Variants in MTHFD1L observed in about 807,000 individuals in gnomAD.
MTHFD1L encodes the protein monofunctional C1-tetrahydrofolate synthase, mitochondrial.
In MTHFD1L, 81 loss-of-function variants were observed where a neutral mutation model predicts 119.5. The ratio of observed to expected loss-of-function variants is 0.68; its 90% CI spans 0.57 to 0.82. The LOEUF (loss-of-function observed/expected upper bound fraction) is 0.82, where lower values mean the gene tolerates loss of function less well. Among genes scored for constraint, MTHFD1L ranks in the 40% least tolerant of loss-of-function variants. MTHFD1L has a pLI of 0.00. For synonymous variants in MTHFD1L, 430 were observed against 475.2 expected (o/e 0.90, Z 1.24); for missense variants, 1,125 against 1,253.4 (o/e 0.90, Z 1.55).
intron 13 of MTHFD1L, among the ~76,000 whole-genome samples, chr6:150,939,681 C>CTTT (rs1175796074): frequency 1.1e-5 from 1 of 94,092 alleles, no homozygotes; most frequent in Non-Finnish European, 2.1e-5. Flanking sequence ...TCCTTGCAGA[C>CTTT]TCTTTTTTTT....
At chr6:150,998,995 A>AAAAAAAAAACTGTATATAT (rs986639098) in intron 20 of MTHFD1L, among the ~76,000 whole-genome samples, 1 of 143,586 alleles carries the variant, frequency 7.0e-6, no homozygotes, top group Non-Finnish European at 1.5e-5. Context: ...GTCTTAAAAA[A>AAAAAAAAAACTGTATATAT]ATATATATAC....
At chr6:150,888,965 A>G (rs1440859035) in intron 7 of MTHFD1L, among the ~76,000 whole-genome samples, 1 of 152,130 alleles carries the variant, frequency 6.6e-6, no homozygotes, top group Non-Finnish European at 1.5e-5. Context: ...ACTTGAGCTC[A>G]GGAGTTTCAG....
At chr6:150,871,938 C>T (rs768864807) in intron 1 of MTHFD1L, among the ~76,000 whole-genome samples, 9 of 150,796 alleles carry the variant, frequency 6.0e-5, no homozygotes, top group African/African-American at 1.7e-4. Flanking sequence ...AGTGCAGTGG[C>T]GCGATCTCTG....
chr6:151,047,037 T>C (rs1341139375), intron 26 of MTHFD1L, among the ~76,000 whole-genome samples: 1 of 152,200 alleles, frequency 6.6e-6, no homozygotes, highest in Admixed American at 6.5e-5. Context: ...ACTATGTATG[T>C]GTTCCTTAAA....
intron 9 of MTHFD1L, among the ~76,000 whole-genome samples, chr6:150,919,935 G>A (rs1260840715): frequency 6.6e-6 from 1 of 152,200 alleles, no homozygotes; most frequent in Non-Finnish European, 1.5e-5. Flanking sequence ...GCAGTCATCT[G>A]AGGCATTAAC....
intron 26 of MTHFD1L, among the ~76,000 whole-genome samples, chr6:151,071,837 ATTTTTTTTTT>A (rs753092094): frequency 9.3e-6 from 1 of 107,508 alleles, no homozygotes; most frequent in Non-Finnish European, 1.7e-5. Flanking sequence ...GTAAGTACAG[ATTTTTTTTTT>A]TTTTTTTTTT....
intron 26 of MTHFD1L, among the ~76,000 whole-genome samples, chr6:151,076,152 C>T (rs181168127): frequency 1.6e-4 from 24 of 152,286 alleles, no homozygotes; most frequent in African/African-American, 5.8e-4. Flanking sequence ...AGGAGGATGG[C>T]TTGAGCCCAG....
At chr6:150,962,150 C>T (rs543480834) in intron 18 of MTHFD1L, among the ~76,000 whole-genome samples, 59 of 152,092 alleles carry the variant, frequency 3.9e-4, no homozygotes, top group South Asian at 6.2e-4. Flanking sequence ...CTGCCACACC[C>T]GGCTAATTTT....
intron 22 of MTHFD1L, among the ~76,000 whole-genome samples, 168 bp downstream of exon 22, chr6:151,013,988 G>A (rs560673241): frequency 3.9e-5 from 6 of 152,216 alleles, no homozygotes; most frequent in Admixed American, 6.5e-5. Flanking sequence ...CAAGGCGACC[G>A]GATCACATGA....
chr6:150,926,330 G>C lies in MTHFD1L; in HGVS notation c.1256+35G>C. The C allele has an allele frequency of 1.9e-6, 3 of 1,575,694 alleles. No individual in the cohort carries two copies. Among genetic ancestry groups the C allele is most frequent in the Non-Finnish European group, 2.6e-6 (3 of 1,151,996 alleles). On this transcript the variant is annotated intron_variant, in intron 11 of 27. Coordinates refer to ENST00000367321, the MANE Select transcript of MTHFD1L (RefSeq NM_015440.5). The surrounding 1 kb of genome is among the most constrained non-coding windows in gnomAD (Gnocchi z 4.3). ...CATCTAACATCTACTTGATCAAGCA[G>C]ACATATTTACAAAACTCTTCCCTAT...
At chr6:150,889,176 C>A (rs368022636) in intron 7 of MTHFD1L, among the ~76,000 whole-genome samples, 209 of 146,228 alleles carry the variant, frequency 1.4e-3, no homozygotes, top group African/African-American at 1.8e-3. Context: ...GACTCCGTCT[C>A]AAAAAAAAAA....
chr6:150,885,824 A>AT (rs1782150293), intron 6 of MTHFD1L, 90 bp downstream of exon 6: 17 of 965,900 alleles, frequency 1.8e-5, no homozygotes, highest in Non-Finnish European at 2.6e-5. Context: ...AGAATTAAAA[A>AT]TTTTTTTAAA....
At chr6:151,003,222 C>CA (rs1271367943) in intron 20 of MTHFD1L, among the ~76,000 whole-genome samples, 2 of 152,186 alleles carry the variant, frequency 1.3e-5, no homozygotes, top group African/African-American at 4.8e-5. Context: ...ACAACAACAA[C>CA]AAAAAACACA....
At chr6:151,066,995 A>ATTTT (rs36035374) in intron 26 of MTHFD1L, among the ~76,000 whole-genome samples, 4,951 of 138,470 alleles carry the variant, frequency 0.036, 122 homozygotes, top group Admixed American at 0.094. Context: ...TATCAATTTG[A>ATTTT]TTTTTTTTTT....
intron 20 of MTHFD1L, among the ~76,000 whole-genome samples, chr6:150,977,956 A>G (rs1039092777): frequency 6.8e-6 from 1 of 146,754 alleles, no homozygotes. Flanking sequence ...GCTGGAGTGC[A>G]GTGGCGTGAC....
chr6:150,900,959 G>A (rs1173501357), intron 7 of MTHFD1L, among the ~76,000 whole-genome samples: 1 of 151,802 alleles, frequency 6.6e-6, no homozygotes, highest in Non-Finnish European at 1.5e-5. Flanking sequence ...AGCTTGCAGT[G>A]AGCCGGGATC....
chr6:150,995,715 G>A (rs373124812), intron 20 of MTHFD1L, among the ~76,000 whole-genome samples: 13 of 151,982 alleles, frequency 8.6e-5, no homozygotes, highest in African/African-American at 3.1e-4. Flanking sequence ...TGCCCAGGCT[G>A]GAGTGCAGTG....
At chr6:150,960,074 TG>T (rs1042561235) in intron 17 of MTHFD1L, among the ~76,000 whole-genome samples, 200 bp from the exon 18 acceptor site, 3 of 152,204 alleles carry the variant, frequency 2.0e-5, no homozygotes, top group African/African-American at 7.2e-5. Flanking sequence ...ACATTCCGCC[TG>T]GGAGGCCACC....
intron 7 of MTHFD1L, among the ~76,000 whole-genome samples, chr6:150,905,396 A>G (rs530064367): frequency 6.6e-6 from 1 of 152,118 alleles, no homozygotes; most frequent in South Asian, 2.1e-4. Context: ...TACTCCATGC[A>G]GTATGTATGC....
Sources: gnomAD v4.1 joint callset for allele counts (sites outside exome capture counted in the v4.1 genomes callset) on GRCh38, gnomAD v4.1.1 for gene constraint, Gnocchi (gnomAD v3.1) non-coding constraint, MANE v1.5 for transcripts, NCBI Gene and HGNC (gene_info 2026-07-23, HGNC 2026-07-21) for gene names.